Variants in LRP6 observed in about 807,000 individuals in gnomAD.
LRP6 encodes the protein LDL receptor related protein 6.
LRP6 carries 43 observed loss-of-function variants against 184.1 expected under a neutral mutation model. The ratio of observed to expected loss-of-function variants is 0.23; its 90% CI spans 0.18 to 0.30. The LOEUF (loss-of-function observed/expected upper bound fraction) is 0.30, where lower values mean the gene tolerates loss of function less well. Ranked by LOEUF, LRP6 falls within the 10% of genes least tolerant of loss-of-function variation. The probability of loss-of-function intolerance (pLI) is 1.00; values close to 1 mark genes in which losing one functional copy is unlikely to be tolerated. For synonymous variants in LRP6, 719 were observed against 684.9 expected (o/e 1.05, Z -0.78); for missense variants, 1,571 against 2,005.3 (o/e 0.78, Z 4.14).
intron 2 of LRP6, among the ~76,000 whole-genome samples, chr12:12,208,534 G>T (rs1864124308): frequency 6.6e-6 from 1 of 152,146 alleles, no homozygotes; most frequent in South Asian, 2.1e-4. Context: ...CTCTTGGCAG[G>T]TTTTGTTATA....
intron 1 of LRP6, among the ~76,000 whole-genome samples, chr12:12,254,320 A>T (rs1865409740): frequency 6.6e-6 from 1 of 152,170 alleles, no homozygotes; most frequent in South Asian, 2.1e-4. Context: ...CTGCTAACAC[A>T]GATCCAGCAG....
chr12:12,243,030 C>T (rs1475886806), intron 2 of LRP6, among the ~76,000 whole-genome samples: 1 of 152,138 alleles, frequency 6.6e-6, no homozygotes, highest in Non-Finnish European at 1.5e-5. Flanking sequence ...CAACTGAAAG[C>T]TAAAGAAAAC....
intron 1 of LRP6, among the ~76,000 whole-genome samples, chr12:12,247,320 T>C (rs905716912): frequency 3.9e-5 from 6 of 152,222 alleles, no homozygotes; most frequent in African/African-American, 1.2e-4. Context: ...TGGAAAACTA[T>C]ATCAAAGCTA....
chr12:12,157,645 T>C (rs1862624654), intron 12 of LRP6, among the ~76,000 whole-genome samples: 1 of 152,196 alleles, frequency 6.6e-6, no homozygotes, highest in African/African-American at 2.4e-5. Flanking sequence ...AGACCAAATT[T>C]TTCCTATGGG....
rs1276050846 is a variant in LRP6, at chr12:12,117,950, T to C, written c.*3176A>G. On this transcript the variant is annotated 3_prime_UTR_variant, in exon 23 of 23. Coordinates refer to ENST00000261349, the MANE Select transcript of LRP6 (RefSeq NM_002336.3). Reference sequence around the variant, plus strand: ...CCCTTCCCCCAATTACTGGCCTATATTAGATTAAAATGTACTTTAAAGTCT... The same window carrying C: ...CCCTTCCCCCAATTACTGGCCTATACTAGATTAAAATGTACTTTAAAGTCT... 1 of 152,202 alleles carries C rather than the reference T, an allele frequency of 6.6e-6. No individual in the cohort carries two copies. The highest frequency in any genetic ancestry group is 1.5e-5 in the Non-Finnish European group (1 of 68,022). 9.4% of individuals were successfully genotyped at this position (152,202 alleles called of 1,614,324 possible).
chr12:12,236,051 C>T (rs917410562), intron 2 of LRP6, among the ~76,000 whole-genome samples: 7 of 151,974 alleles, frequency 4.6e-5, no homozygotes, highest in Middle Eastern at 3.2e-3. Flanking sequence ...GGTGTGAAAC[C>T]CCGTCTCTAC....
At chr12:12,213,959 T>C (rs1027013853) in intron 2 of LRP6, among the ~76,000 whole-genome samples, 2 of 152,180 alleles carry the variant, frequency 1.3e-5, no homozygotes, top group African/African-American at 4.8e-5. Flanking sequence ...AGACACTTTA[T>C]ATAAAAGAAA....
intron 2 of LRP6, among the ~76,000 whole-genome samples, chr12:12,212,792 T>C (rs751088721): frequency 1.3e-5 from 2 of 152,180 alleles, no homozygotes; most frequent in Non-Finnish European, 2.9e-5. Flanking sequence ...TCATGCTCTA[T>C]GAGAACTTCA....
chr12:12,207,991 A>T (rs922926113), intron 2 of LRP6, among the ~76,000 whole-genome samples: 6 of 152,328 alleles, frequency 3.9e-5, no homozygotes, highest in African/African-American at 1.4e-4. Context: ...AATCCAGGAA[A>T]GTCATTAAAC....
At position 12,179,790 on chromosome 12, in the gene LRP6, T is replaced by C. The variant is rs746524183; in HGVS notation, c.1545+20A>G. 1 of 1,611,966 alleles carries C rather than the reference T, an allele frequency of 6.2e-7. No homozygotes were observed. ...ACCCATTATAAAAGTGGCTTGAAAA[T>C]GAAAAAGCAAAAAACAAACCTCAAT... is the stretch of plus-strand genomic sequence containing the variant. On this transcript the variant is annotated intron_variant, in intron 7 of 22. Coordinates refer to ENST00000261349, the MANE Select transcript of LRP6 (RefSeq NM_002336.3).
intron 3 of LRP6, among the ~76,000 whole-genome samples, chr12:12,190,650 TG>T (rs1282867236): frequency 1.3e-5 from 2 of 152,178 alleles, no homozygotes; most frequent in East Asian, 3.8e-4. Context: ...ATTTAGTTTT[TG>T]TTTCTGGACC....
Position 12,159,041 on chromosome 12 carries a change from T to G in LRP6, c.2579A>C (p.Lys860Thr). 1 of 1,614,186 alleles carries G rather than the reference T, an allele frequency of 6.2e-7. No individual in the cohort carries two copies. The highest frequency in any genetic ancestry group is 8.5e-7 in the Non-Finnish European group (1 of 1,180,034). ...WSRRSIERANKTSGQNRTIIQ... is the reference protein window; with the variant it reads ...WSRRSIERANTTSGQNRTIIQ... Reference sequence around the variant, plus strand: ...GATGGTGCGGTTTTGGCCACTGGTTTTGTTGGCACGCTCAATGCTGCGTCG... The same window carrying G: ...GATGGTGCGGTTTTGGCCACTGGTTGTGTTGGCACGCTCAATGCTGCGTCG... Residue 860 changes from lysine (K) to threonine (T), a missense_variant, in exon 12 of 23, where the codon AAA becomes ACA. By Grantham distance (78) the Lys-to-Thr change is moderately conservative. Coordinates refer to ENST00000261349, the MANE Select transcript of LRP6 (RefSeq NM_002336.3).
intron 12 of LRP6, chr12:12,155,153 G>A (rs71457136): frequency 0.087 from 40,449 of 464,446 alleles, 2,609 homozygotes; most frequent in African/African-American, 0.24. Context: ...CCAAGATCAC[G>A]CCACTTTACT....
At chr12:12,244,227 G>A (rs200175309) in intron 2 of LRP6, 35 bp downstream of exon 2, 11 of 1,611,070 alleles carry the variant, frequency 6.8e-6, no homozygotes, top group Middle Eastern at 3.3e-4. Context: ...CCGAAAGGAG[G>A]TATGATGATC....
rs184290784 is a variant in LRP6 at position 12,236,329 on chromosome 12, T to G, written c.449+7933A>C. On this transcript the variant is annotated intron_variant, in intron 2 of 22. Transcript: ENST00000261349. ...TCCCAGTGGTCAAATCTGCAACAAT[T>G]TGAGCAAGAAAATCATGACAGTTTT... is the stretch of plus-strand genomic sequence containing the variant. 1.4e-3 allele frequency among the ~76,000 whole-genome samples: 217 copies of G among 152,302 alleles called. 1 individual carries two copies. The highest frequency in any genetic ancestry group is 5.1e-3 in the African/African-American group (211 of 41,552).
At chr12:12,212,494 A>AC (rs1864238871) in intron 2 of LRP6, among the ~76,000 whole-genome samples, 2 of 152,152 alleles carry the variant, frequency 1.3e-5, no homozygotes, top group Admixed American at 1.3e-4. Flanking sequence ...GCTAACAAGC[A>AC]CCACCCTAAA....
At chr12:12,180,005 G>T (rs1219332399) in intron 6 of LRP6, 24 bp from the exon 7 acceptor site, 1 of 1,588,578 alleles carries the variant, frequency 6.3e-7, no homozygotes, top group Admixed American at 1.7e-5. Flanking sequence ...CAAAAAATGA[G>T]CTAAAAATAG....
At chr12:12,138,982 A>T in intron 15 of LRP6, 2 of 1,348,216 alleles carry the variant, frequency 1.5e-6, no homozygotes, top group South Asian at 1.2e-5. Context: ...ACCCCAAGGT[A>T]AGAATTATTT....
intron 1 of LRP6, among the ~76,000 whole-genome samples, chr12:12,254,143 C>CAAAAAAAA (rs34210761): frequency 1.1e-4 from 8 of 74,342 alleles, no homozygotes; most frequent in South Asian, 6.8e-4. Flanking sequence ...GACTCTGTCT[C>CAAAAAAAA]AAAAAAAAAA....
Sources: allele counts gnomAD v4.1 joint callset (sites outside exome capture counted in the v4.1 genomes callset), GRCh38; gene constraint gnomAD v4.1.1; transcripts MANE v1.5; gene names NCBI Gene and HGNC (gene_info 2026-07-23, HGNC 2026-07-21).